The following LRMDA variants were observed in gnomAD, a reference collection of about 807,000 sequenced individuals.
LRMDA encodes leucine-rich melanocyte differentiation-associated protein.
In LRMDA, 18 loss-of-function variants were observed where a neutral mutation model predicts 29.8. The ratio of observed to expected loss-of-function variants is 0.60; its 90% CI spans 0.42 to 0.90. The LOEUF is 0.90. Among genes scored for constraint, LRMDA ranks in the 40% least tolerant of loss-of-function variants. The pLI, the probability that LRMDA is intolerant of heterozygous loss-of-function variation, is 0.00. For synonymous variants in LRMDA, 125 were observed against 109.4 expected (o/e 1.14, Z -0.89); for missense variants, 273 against 273.9 (o/e 1.00, Z 0.02).
intron 2 of LRMDA, among the ~76,000 whole-genome samples, chr10:75,646,297 G>A (rs368259071): frequency 3.9e-5 from 6 of 152,074 alleles, no homozygotes; most frequent in Non-Finnish European, 7.4e-5. Context: ...ATGAACTGCC[G>A]TCTGCCAGCC....
intron 6 of LRMDA, among the ~76,000 whole-genome samples, chr10:76,411,470 G>A (rs1841960800): frequency 6.6e-6 from 1 of 152,124 alleles, no homozygotes; most frequent in Non-Finnish European, 1.5e-5. Context: ...GGACTCCCTG[G>A]GTGGAATGCA....
chr10:75,475,685 TA>T (rs1464374880), intron 2 of LRMDA, among the ~76,000 whole-genome samples: 2 of 152,242 alleles, frequency 1.3e-5, no homozygotes, highest in African/African-American at 2.4e-5. Flanking sequence ...CCCAGGGTTT[TA>T]CATTACAATA....
chr10:76,402,550 A>C (rs962264665), intron 6 of LRMDA, among the ~76,000 whole-genome samples: 1 of 151,954 alleles, frequency 6.6e-6, no homozygotes, highest in East Asian at 1.9e-4. Flanking sequence ...GGTAGGGTCT[A>C]GGTATGTTGC....
intron 5 of LRMDA, among the ~76,000 whole-genome samples, chr10:76,249,960 G>A (rs1012598288): frequency 6.6e-6 from 1 of 152,022 alleles, no homozygotes; most frequent in Admixed American, 6.6e-5. Flanking sequence ...GTGCCACCAC[G>A]CCTGGCTAAT....
intron 5 of LRMDA, among the ~76,000 whole-genome samples, chr10:76,184,041 T>A (rs1023819593): frequency 6.6e-6 from 1 of 151,038 alleles, no homozygotes; most frequent in African/African-American, 2.4e-5. Context: ...TTATTTTTTT[T>A]TTTTTTGGAG....
At chr10:75,715,153 G>A (rs556056731) in intron 2 of LRMDA, among the ~76,000 whole-genome samples, 9 of 152,208 alleles carry the variant, frequency 5.9e-5, no homozygotes, top group South Asian at 4.2e-4. Flanking sequence ...CGGTACGTGC[G>A]GGCAGCGTAC....
At chr10:76,517,156 G>A (rs978848269) in intron 6 of LRMDA, among the ~76,000 whole-genome samples, 2 of 152,118 alleles carry the variant, frequency 1.3e-5, no homozygotes, top group South Asian at 4.1e-4. Flanking sequence ...TCCAGGAAGA[G>A]AGAATAGGAA....
chr10:75,745,712 G>T (rs1842882758), intron 2 of LRMDA, among the ~76,000 whole-genome samples: 1 of 152,076 alleles, frequency 6.6e-6, no homozygotes, highest in Non-Finnish European at 1.5e-5. Context: ...TTCCATTTCT[G>T]TCCTTTTTCT....
At chr10:75,955,737 A>T (rs1035056673) in intron 2 of LRMDA, among the ~76,000 whole-genome samples, 2 of 151,998 alleles carry the variant, frequency 1.3e-5, no homozygotes, top group African/African-American at 4.8e-5. Flanking sequence ...TTGACTTCTC[A>T]TTTCTGGTAT....
At chr10:75,535,187 G>A (rs557509604) in intron 2 of LRMDA, among the ~76,000 whole-genome samples, 2 of 151,790 alleles carry the variant, frequency 1.3e-5, no homozygotes, top group Non-Finnish European at 2.9e-5. Context: ...TGTTTTTCAG[G>A]GATTTTTTTT....
chr10:75,525,718 A>T lies in LRMDA; in HGVS notation c.131+87224A>T, dbSNP rs185923813. Among the ~76,000 whole-genome samples the T allele has an allele frequency of 1.0e-3, 157 of 150,912 alleles. 3 individuals carry two copies. The highest frequency in any genetic ancestry group is 4.4e-5 in the Non-Finnish European group (3 of 67,866). ...GCTGGTATCCTTACCATAGCCTAGT[A>T]TATTTGTGTTTTCCTATGTTTATCT... On this transcript the variant is annotated intron_variant, in intron 2 of 6. Transcript: ENST00000611255.
chr10:76,291,639 CTTGA>C (rs918099044), intron 5 of LRMDA, among the ~76,000 whole-genome samples: 8 of 151,956 alleles, frequency 5.3e-5, no homozygotes, highest in African/African-American at 1.9e-4. Flanking sequence ...AGTGGAATAG[CTTGA>C]TTAAGACCCT....
At chr10:75,913,731 A>T (rs1845882904) in intron 2 of LRMDA, among the ~76,000 whole-genome samples, 1 of 152,126 alleles carries the variant, frequency 6.6e-6, no homozygotes, top group Admixed American at 6.5e-5. Flanking sequence ...CGAGGGCACA[A>T]TGTGGGGTGG....
chr10:76,359,270 T>G (rs766235439), intron 6 of LRMDA, among the ~76,000 whole-genome samples: 4 of 152,108 alleles, frequency 2.6e-5, no homozygotes, highest in Non-Finnish European at 5.9e-5. Context: ...AAATATTGAG[T>G]AAAGGCTTAT....
At position 76,542,063 on chromosome 10, in the gene LRMDA, G is replaced by A. The variant is rs1043347689; in HGVS notation, c.602-15146G>A. 5.1e-4 allele frequency among the ~76,000 whole-genome samples: 77 copies of A among 152,096 alleles called. 2 individuals are homozygous for A. The highest frequency in any genetic ancestry group is 2.6e-4 in the Admixed American group (4 of 15,278). On this transcript the variant is annotated intron_variant, in intron 6 of 6. Coordinates refer to ENST00000611255, the MANE Select transcript of LRMDA (RefSeq NM_001305581.2). ...CATGTAGGTGTGTGCACGTGTGTGTGTGTGTGTGTGTGTGTGTAGGCAGGC... is the reference window on the plus strand; with the variant it reads ...CATGTAGGTGTGTGCACGTGTGTGTATGTGTGTGTGTGTGTGTAGGCAGGC...
chr10:76,181,872 T>C (rs2132209211), intron 5 of LRMDA, among the ~76,000 whole-genome samples: 1 of 152,284 alleles, frequency 6.6e-6, no homozygotes, highest in East Asian at 1.9e-4. Flanking sequence ...AGCTCCTGCT[T>C]GAGACTGAGA....
At chr10:75,709,478 T>C (rs946817142) in intron 2 of LRMDA, among the ~76,000 whole-genome samples, 3 of 151,726 alleles carry the variant, frequency 2.0e-5, no homozygotes, top group Admixed American at 1.3e-4. Flanking sequence ...CTTCCTCTGC[T>C]TATAGGACAT....
At chr10:75,683,781 T>C (rs1842051945) in intron 2 of LRMDA, among the ~76,000 whole-genome samples, 1 of 152,222 alleles carries the variant, frequency 6.6e-6, no homozygotes, top group Non-Finnish European at 1.5e-5. Context: ...TAAGCAGATC[T>C]TCCTTCATTC....
intron 2 of LRMDA, among the ~76,000 whole-genome samples, chr10:75,621,068 A>G (rs1841175971): frequency 6.6e-6 from 1 of 152,134 alleles, no homozygotes; most frequent in African/African-American, 2.4e-5. Context: ...GCTCCCACAT[A>G]TGAGTGAGAA....
Sources: gnomAD v4.1 joint callset for allele counts (sites outside exome capture counted in the v4.1 genomes callset) on GRCh38, gnomAD v4.1.1 for gene constraint, MANE v1.5 for transcripts, NCBI Gene and HGNC (gene_info 2026-07-23, HGNC 2026-07-21) for gene names.